Variants in DEAF1 observed in about 807,000 individuals in gnomAD.
The protein encoded by DEAF1 is deformed epidermal autoregulatory factor 1 homolog.
DEAF1 carries 53 observed loss-of-function variants against 58.9 expected under a neutral mutation model. The ratio of observed to expected loss-of-function variants is 0.90; its 90% CI spans 0.72 to 1.13. The LOEUF is 1.13. DEAF1 is among the 50% of genes most tolerant of loss of function. The probability of loss-of-function intolerance (pLI) is 0.00; values close to 1 mark genes in which losing one functional copy is unlikely to be tolerated. For missense variants in DEAF1, 685 were observed against 791.4 expected, an observed-to-expected ratio of 0.87 and a Z score of 1.61; for synonymous variants, 385 against 340.4, an observed-to-expected ratio of 1.13 and a Z score of -1.44.
rs1383819913 is a variant in DEAF1, at chr11:684,942, C to T, written c.826G>A (p.Ala276Thr). 2 of 1,551,576 alleles carry T rather than the reference C, an allele frequency of 1.3e-6. No homozygotes were observed. The highest frequency in any genetic ancestry group is 1.7e-6 in the Non-Finnish European group (2 of 1,146,974). ...CAGGCAGCACAGGTGCAAGAGGCAG[C>T]GTGAGGGTTTAAGATCCCATCCTGA... ...LIQDGILNPH[A>T]ASCTCAACCD... The change falls in exon 6 of 12, where the codon GCT (alanine) becomes ACT (threonine). Residue 276 changes from alanine to threonine, a missense_variant. By Grantham distance (58) the Ala-to-Thr change is moderately conservative (BLOSUM62 0). Transcript: ENST00000382409.
intron 1 of DEAF1, chr11:704,673 G>T: frequency 1.6e-6 from 2 of 1,284,948 alleles, no homozygotes; most frequent in Non-Finnish European, 2.0e-6. Context: ...CAGTCTCAGC[G>T]AGCACACAAA....
At chr11:668,694 T>A (rs1008799515) in intron 10 of DEAF1, among the ~76,000 whole-genome samples, 17 of 152,160 alleles carry the variant, frequency 1.1e-4, no homozygotes, top group Non-Finnish European at 2.4e-4. Flanking sequence ...TGGTGGCACA[T>A]GCCCATAGTC....
At chr11:645,927 T>C (rs558012489) in intron 11 of DEAF1, among the ~76,000 whole-genome samples, 1 of 152,178 alleles carries the variant, frequency 6.6e-6, no homozygotes, top group South Asian at 2.1e-4. Context: ...AGTTATTCCC[T>C]AGAGAGCAGA....
At chr11:699,937 C>T (rs1384480814), upstream of DEAF1, 1 of 558,132 alleles carries the variant, frequency 1.8e-6, no homozygotes, top group Non-Finnish European at 3.2e-6. Flanking sequence ...GGGGGTCCCA[C>T]AAAGGCCTTG....
At chr11:672,936 G>A (rs563708326) in intron 10 of DEAF1, among the ~76,000 whole-genome samples, 15 of 152,070 alleles carry the variant, frequency 9.9e-5, no homozygotes, top group African/African-American at 3.4e-4. Context: ...ATCACTTGAG[G>A]TCAGGAGTTT....
chr11:667,051 A>G (rs1328408018), intron 10 of DEAF1, among the ~76,000 whole-genome samples: 1 of 151,686 alleles, frequency 6.6e-6, no homozygotes, highest in Admixed American at 6.6e-5. Context: ...AAACAAAAAA[A>G]TAGCTGGGCA....
chr11:647,637 A>G (rs999752160), intron 11 of DEAF1, among the ~76,000 whole-genome samples: 1 of 152,210 alleles, frequency 6.6e-6, no homozygotes, highest in Non-Finnish European at 1.5e-5. Flanking sequence ...CCTCAGCCCA[A>G]AGAGAGAGGG....
At chr11:647,312 G>A (rs1005395723) in intron 11 of DEAF1, among the ~76,000 whole-genome samples, 6 of 152,050 alleles carry the variant, frequency 3.9e-5, no homozygotes, top group African/African-American at 1.4e-4. Flanking sequence ...AAATTAGCCG[G>A]ACGTGGTGGC....
chr11:681,137 A>C (rs374320917), intron 6 of DEAF1, 48 bp from the exon 7 acceptor site: 4 of 1,612,546 alleles, frequency 2.5e-6, no homozygotes, highest in Non-Finnish European at 3.4e-6. Context: ...TGCAAAAGCT[A>C]TGCTGCGCTT....
chr11:692,757 CAGG>C (rs1860887391), intron 1 of DEAF1, among the ~76,000 whole-genome samples: 1 of 151,910 alleles, frequency 6.6e-6, no homozygotes, highest in African/African-American at 2.4e-5. Flanking sequence ...GAGGCTGAGG[CAGG>C]AGAATCACTT....
At chr11:654,960 G>A (rs1858974106) in intron 10 of DEAF1, among the ~76,000 whole-genome samples, 1 of 151,360 alleles carries the variant, frequency 6.6e-6, no homozygotes, top group South Asian at 2.1e-4. Context: ...CACGAAGTTA[G>A]GAGATCGAGA....
intron 10 of DEAF1, among the ~76,000 whole-genome samples, chr11:673,446 G>A (rs953909721): frequency 2.0e-5 from 3 of 152,088 alleles, no homozygotes; most frequent in East Asian, 3.9e-4. Flanking sequence ...AAGAATCGCT[G>A]GAGCCCGGGA....
chr11:694,961 G>GGCC lies in DEAF1; in HGVS notation c.84_86dup (p.Ala33dup), dbSNP rs774959342. The GGCC allele has an allele frequency of 2.3e-5, 27 of 1,157,446 alleles. No homozygotes were observed. In the South Asian group the frequency reaches 6.2e-4, roughly 27 times the overall value. The allele number at this position is 1,157,446 out of a possible 1,614,324, so 71.7% of individuals were successfully genotyped here. A position where few individuals can be genotyped will look rare whatever the true frequency, so the allele number is the denominator to read the frequency against. On this transcript the variant is annotated inframe_insertion, in exon 1 of 12. Coordinates refer to ENST00000382409, the MANE Select transcript of DEAF1 (RefSeq NM_021008.4). ...CCGCCTCGCCTCCTGCCGCGGCCGC[G>GGCC]GCCGCCGCCGCCACAGCGGCCGCGG...
Position 703,367 on chromosome 11 carries a change from G to A in DEAF1, c.-438+3205C>T, listed in dbSNP as rs963095429. On this transcript the variant is annotated intron_variant, in intron 1 of 11. Coordinates refer to the DEAF1 transcript ENST00000683307. The stretch of plus-strand genomic sequence containing the variant: ...CTGGTGTTGGGAACAGCTGCGGGGA[G>A]GGTAGGGACCAGACAGAACTGCCTT... 6 of 1,393,238 alleles carry A rather than the reference G, an allele frequency of 4.3e-6. No homozygotes were observed. In the African/African-American group the frequency reaches 7.3e-5, roughly 17 times the overall value. 86.3% of individuals were successfully genotyped at this position (1,393,238 alleles called of 1,614,324 possible).
intron 10 of DEAF1, chr11:654,641 G>A (rs906117904): frequency 2.6e-5 from 12 of 455,044 alleles, no homozygotes; most frequent in Middle Eastern, 3.2e-4. Flanking sequence ...TTGGGCAGCC[G>A]AGGCGGGTGG....
intron 10 of DEAF1, among the ~76,000 whole-genome samples, chr11:656,847 G>T (rs551751647): frequency 6.6e-6 from 1 of 152,274 alleles, no homozygotes; most frequent in East Asian, 1.9e-4. Context: ...GGCCTTTCGC[G>T]GTATGCCCTT....
chr11:699,073 C>A (rs1387232438), upstream of DEAF1: 4 of 699,268 alleles, frequency 5.7e-6, no homozygotes, highest in Non-Finnish European at 9.9e-6. Flanking sequence ...CTGCTGGCTC[C>A]ATCCCCTACC....
At chr11:678,455 C>T (rs1472352581) in intron 9 of DEAF1, 3 of 487,802 alleles carry the variant, frequency 6.2e-6, no homozygotes, top group Non-Finnish European at 1.1e-5. Context: ...TAGGGGCGTG[C>T]CCTGCTGCTG....
intron 11 of DEAF1, among the ~76,000 whole-genome samples, chr11:646,990 A>T (rs1285003486): frequency 1.3e-5 from 2 of 151,220 alleles, no homozygotes; most frequent in African/African-American, 2.4e-5. Context: ...TCTCTATAAA[A>T]AAAAAAAAAT....
Sources: gnomAD v4.1 joint callset for allele counts (sites outside exome capture counted in the v4.1 genomes callset) on GRCh38, gnomAD v4.1.1 for gene constraint, MANE v1.5 for transcripts, NCBI Gene and HGNC (gene_info 2026-07-23, HGNC 2026-07-21) for gene names.